Variants in ADGRV1 observed in about 807,000 individuals in gnomAD.
ADGRV1 encodes G-protein coupled receptor 98.
A neutral mutation model predicts 596.2 loss-of-function variants in ADGRV1; 359 were observed. That is an observed-to-expected ratio of 0.60 (90% CI 0.55 to 0.66). The LOEUF (loss-of-function observed/expected upper bound fraction) is 0.66. Among genes scored for constraint, ADGRV1 ranks in the 30% least tolerant of loss-of-function variants. ADGRV1 has a pLI of 0.00. For synonymous variants in ADGRV1, 2,681 were observed against 2,679.2 expected, an observed-to-expected ratio of 1.00 and a Z score of -0.02; for missense variants, 7,274 against 7,575.6, an observed-to-expected ratio of 0.96 and a Z score of 1.48.
chr5:90,778,934 G>A lies in ADGRV1; in HGVS notation c.12919G>A (p.Gly4307Arg), dbSNP rs190628299. ...GCGACTCTGGTACAAGACGATGAGC[G>A]GGACAGCGGAAGCAGGCTTGGATTT... Reference protein sequence around the residue: ...HVRLWYKTMSGTAEAGLDFVP... With the variant: ...HVRLWYKTMSRTAEAGLDFVP... Residue 4307 changes from glycine to arginine, a missense_variant, in exon 64 of 90, where the codon GGG becomes AGG. Gly to Arg is a moderately radical substitution (Grantham distance 125, BLOSUM62 -2). Transcript: ENST00000405460. 67 of 1,613,496 alleles carry A rather than the reference G, an allele frequency of 4.2e-5. No individual in the cohort carries two copies. Among genetic ancestry groups the A allele is most frequent in the Non-Finnish European group, 5.4e-5 (64 of 1,179,544 alleles).
chr5:90,628,514 A>C (rs944004557), intron 7 of ADGRV1, 48 bp from the exon 8 acceptor site: 46 of 1,525,232 alleles, frequency 3.0e-5, no homozygotes, highest in Non-Finnish European at 3.9e-5. Context: ...ATCTAAGGGA[A>C]ATAAAGTGTA....
At chr5:90,964,644 G>A (rs1778297392) in intron 83 of ADGRV1, among the ~76,000 whole-genome samples, 1 of 151,988 alleles carries the variant, frequency 6.6e-6, no homozygotes. Context: ...CACTGAGCTA[G>A]GTGCTTGGGT....
At chr5:91,080,709 C>T (rs2126501005) in intron 86 of ADGRV1, among the ~76,000 whole-genome samples, 1 of 151,934 alleles carries the variant, frequency 6.6e-6, no homozygotes, top group African/African-American at 2.4e-5. Flanking sequence ...CAAAACATCC[C>T]TAGTTTTCCT....
At chr5:90,740,012 T>C (rs74489399) in intron 50 of ADGRV1, among the ~76,000 whole-genome samples, 2,196 of 152,260 alleles carry the variant, frequency 0.014, 45 homozygotes, top group African/African-American at 0.051. Flanking sequence ...GGATTGATGC[T>C]CACTAGCTGA....
rs199833843 is a variant in ADGRV1 at position 90,720,946 on chromosome 5, T to C, written c.9635T>C (p.Ile3212Thr). 155 of 1,610,526 alleles carry C rather than the reference T, an allele frequency of 9.6e-5. No individual in the cohort carries two copies. In the African/African-American group the frequency reaches 1.8e-3, roughly 18 times the overall value. The change falls in exon 45 of 90, where the codon ATA becomes ACA. Residue 3212 changes from isoleucine to threonine, a missense_variant. By Grantham distance (89) the Ile-to-Thr change is moderately conservative. Transcript: ENST00000405460. ...ISAVENRATS[I>T]DIEEANRTVY... The stretch of plus-strand genomic sequence containing the variant: ...TGTATTTCTTTCAGAGCCACCTCCA[T>C]AGACATCGAAGAAGCCAATAGGACC...
intron 79 of ADGRV1, among the ~76,000 whole-genome samples, chr5:90,852,869 T>C (rs1766665857): frequency 6.6e-6 from 1 of 152,122 alleles, no homozygotes; most frequent in Admixed American, 6.5e-5. Context: ...ATATATAAGG[T>C]TTATGATGTT....
rs765197770 is a variant in ADGRV1, at chr5:90,644,751, G to C, written c.2780G>C (p.Ser927Thr). The change falls in exon 15 of 90, where the codon AGT (serine) becomes ACT (threonine). Residue 927 changes from serine to threonine, a missense_variant. Ser to Thr is a moderately conservative substitution (Grantham distance 58). Coordinates refer to ENST00000405460, the MANE Select transcript of ADGRV1 (RefSeq NM_032119.4). ...AATCGAGGCAACTTTGGTGATGTTA[G>C]TGTATCATGGGTGGTTAGTCCAGAC... ...VRNRGNFGDV[S>T]VSWVVSPDFT... 5 of 1,611,572 alleles carry C rather than the reference G, an allele frequency of 3.1e-6. No homozygotes were observed.
At chr5:91,004,381 C>T (rs1417493084) in intron 85 of ADGRV1, among the ~76,000 whole-genome samples, 1 of 151,922 alleles carries the variant, frequency 6.6e-6, no homozygotes, top group African/African-American at 2.4e-5. Context: ...TATGAATCCT[C>T]AAAATCTAAT....
At position 91,054,100 on chromosome 5, in the gene ADGRV1, T is replaced by TGAGAGA. The variant is rs1235694348; in HGVS notation, c.18153-18346_18153-18345insAGAGAG. Among the ~76,000 whole-genome samples, 670 of 108,212 alleles carry TGAGAGA rather than the reference T, an allele frequency of 6.2e-3. 2 individuals carry two copies. Among genetic ancestry groups the TGAGAGA allele is most frequent in the African/African-American group, 0.017 (481 of 29,058 alleles). 71.0% of individuals were successfully genotyped at this position (108,212 alleles called of 152,430 possible). On this transcript the variant is annotated intron_variant, in intron 85 of 89. Transcript: ENST00000405460. Reference sequence around the variant, plus strand: ...GTGTGTGTGTGTGTGTGTGTGTGTGTGTGAGAGAGAGAGAGAGAGAGAGAG... The same window carrying TGAGAGA: ...GTGTGTGTGTGTGTGTGTGTGTGTGTGAGAGAGTGAGAGAGAGAGAGAGAGAGAGAG...
chr5:90,697,329 C>G (rs868799421), intron 34 of ADGRV1, among the ~76,000 whole-genome samples, 183 bp downstream of exon 34: 1 of 152,048 alleles, frequency 6.6e-6, no homozygotes, highest in Non-Finnish European at 1.5e-5. Context: ...GATTTAGGAG[C>G]CTTGCAAACC....
chr5:90,614,985 T>C lies in ADGRV1; in HGVS notation c.173T>C (p.Ile58Thr). ...TTVIRLIIERIGEPANVTAIV... is the reference protein window; with the variant it reads ...TTVIRLIIERTGEPANVTAIV... ...GTTATTCGTCTTATCATTGAAAGGA[T>C]AGGAGAGCCAGCAAATGTTACTGCA... Residue 58 changes from isoleucine to threonine, a missense_variant, in exon 2 of 90, where the codon ATA (isoleucine) becomes ACA (threonine). Coordinates refer to ENST00000405460, the MANE Select transcript of ADGRV1 (RefSeq NM_032119.4). 6.6e-7 allele frequency: 1 copy of C among 1,512,380 alleles called. No homozygotes were observed. Among genetic ancestry groups the C allele is most frequent in the Non-Finnish European group, 8.9e-7 (1 of 1,125,352 alleles). The allele number at this position is 1,512,380 out of a possible 1,614,324, so 93.7% of individuals were successfully genotyped here. A position where few individuals can be genotyped will look rare whatever the true frequency, so the allele number is the denominator to read the frequency against.
rs149074385 is a variant in ADGRV1 at position 90,977,825 on chromosome 5, G to A, written c.17974-7519G>A. Among the ~76,000 whole-genome samples the A allele has an allele frequency of 6.8e-4, 104 of 152,244 alleles. No individual in the cohort carries two copies. In the East Asian group the frequency reaches 0.016, roughly 23 times the overall value. On this transcript the variant is annotated intron_variant, in intron 84 of 89. Transcript: ENST00000405460. ...ATCTGGGTATTTCAGTTGGTTGCTT[G>A]CATTTAACACAGAATCAGTTTAAAT...
Position 90,685,856 on chromosome 5 carries a change from T to G in ADGRV1, c.6351T>G (p.Phe2117Leu). ...TTATCATTGCCAATGATGATGCATT[T>G]GGAACTCTTCAGCTCTCAGCACCAA... Reference protein sequence around the residue: ...QLIIIANDDAFGTLQLSAPIV... With the variant: ...QLIIIANDDALGTLQLSAPIV... The change falls in exon 29 of 90, where the codon TTT becomes TTG. Residue 2117 changes from phenylalanine to leucine, a missense_variant. Phe to Leu is a conservative substitution (Grantham distance 22). Around this residue, in one of 5 missense-constraint regions of ADGRV1, gnomAD observed 3,643 missense variants for 3,809.2 expected, o/e 0.96. Transcript: ENST00000405460. 1.2e-6 allele frequency: 2 copies of G among 1,612,594 alleles called. No individual in the cohort carries two copies. Among genetic ancestry groups the G allele is most frequent in the Non-Finnish European group, 1.7e-6 (2 of 1,179,016 alleles).
intron 8 of ADGRV1, 129 bp from the exon 9 acceptor site, chr5:90,629,081 A>G: frequency 1.6e-6 from 1 of 611,834 alleles, no homozygotes. Flanking sequence ...TCTATTATGT[A>G]TAAGAAGTCA....
At chr5:91,113,123 A>G (rs1361067024) in intron 87 of ADGRV1, among the ~76,000 whole-genome samples, 1 of 152,076 alleles carries the variant, frequency 6.6e-6, no homozygotes, top group African/African-American at 2.4e-5. Flanking sequence ...AACTACCATC[A>G]CATTCCTTGG....
At chr5:90,811,569 T>C (rs1207646543) in intron 74 of ADGRV1, among the ~76,000 whole-genome samples, 1 of 152,170 alleles carries the variant, frequency 6.6e-6, no homozygotes, top group Non-Finnish European at 1.5e-5. Flanking sequence ...TCAGAGCCAG[T>C]AATACAATCT....
At chr5:91,024,907 A>T (rs1476676878) in intron 85 of ADGRV1, among the ~76,000 whole-genome samples, 1 of 152,172 alleles carries the variant, frequency 6.6e-6, no homozygotes, top group Non-Finnish European at 1.5e-5. Context: ...AATTGCGCAG[A>T]ATGGTGTTCA....
rs1580963378 is a variant in ADGRV1 at position 90,742,217 on chromosome 5, T to A, written c.10550-2829T>A. On this transcript the variant is annotated intron_variant, in intron 50 of 89. Coordinates refer to ENST00000405460, the MANE Select transcript of ADGRV1 (RefSeq NM_032119.4). ...ATACATATAAGTTTCTAGTTATAAA[T>A]GGATAACTGCTATGAAAGGATAGAA... Among the ~76,000 whole-genome samples the A allele has an allele frequency of 3.9e-5, 6 of 152,210 alleles. No homozygotes were observed. The South Asian group carries it at 1.2e-3, about 32-fold the overall frequency.
At chr5:90,822,785 TG>T (rs1447046893) in intron 75 of ADGRV1, among the ~76,000 whole-genome samples, 1 of 152,214 alleles carries the variant, frequency 6.6e-6, no homozygotes, top group Non-Finnish European at 1.5e-5. Flanking sequence ...TCCACTTGTT[TG>T]TATCCTCTTT....
Sources: allele counts gnomAD v4.1 joint callset (sites outside exome capture counted in the v4.1 genomes callset), GRCh38; gene constraint gnomAD v4.1.1; regional missense constraint gnomAD v4.1.1; transcripts MANE v1.5; gene names NCBI Gene and HGNC (gene_info 2026-07-23, HGNC 2026-07-21).